The following CNST variants were observed in gnomAD, a reference collection of about 807,000 sequenced individuals.
CNST encodes consortin, connexin sorting protein, also known as consortin.
CNST carries 39 observed loss-of-function variants against 72.4 expected under a neutral mutation model. The observed-to-expected ratio is 0.54, with a 90% CI of 0.42 to 0.70. The LOEUF is 0.70. CNST is among the 30% of genes least tolerant of loss of function. CNST has a pLI of 0.00. For synonymous variants in CNST, 332 were observed against 320.1 expected, an observed-to-expected ratio of 1.04 and a Z score of -0.40; for missense variants, 871 against 868.5, an observed-to-expected ratio of 1.00 and a Z score of -0.04.
In CNST at chr1:246,576,435, C is replaced by T. The variant is rs151163545; in HGVS notation, c.-52+9772C>T. 4.6e-3 allele frequency among the ~76,000 whole-genome samples: 657 copies of T among 142,980 alleles called. 10 individuals carry two copies. Among genetic ancestry groups the T allele is most frequent in the African/African-American group, 0.016 (629 of 38,620 alleles). The allele number at this position is 142,980 out of a possible 152,430, so 93.8% of individuals were successfully genotyped here. A position where few individuals can be genotyped will look rare whatever the true frequency, so the allele number is the denominator to read the frequency against. On this transcript the variant is annotated intron_variant, in intron 1 of 10. Coordinates refer to ENST00000366513, the MANE Select transcript of CNST (RefSeq NM_152609.3). ...TTGATTTTTTTTGCATGTCATAATTCGTAAATTTGTTTTGGTTTAATTGTG... is the reference window on the plus strand; with the variant it reads ...TTGATTTTTTTTGCATGTCATAATTTGTAAATTTGTTTTGGTTTAATTGTG...
At chr1:246,658,472 A>AT (rs35403416) in intron 9 of CNST, among the ~76,000 whole-genome samples, 10,000 of 150,162 alleles carry the variant, frequency 0.067, 737 homozygotes, top group African/African-American at 0.18. Context: ...TGGCTTGTTG[A>AT]TTTTTTTTTT....
chr1:246,647,191 G>T lies in CNST; in HGVS notation c.990G>T (p.Val330=). ...TESSKESQHT[V]EPLGSSPCCH... ...CAAGTAAAGAAAGCCAACATACAGT[G>T]GAGCCCCTGGGGAGCAGTCCCTGCT... The change falls in exon 9 of 11, where the codon GTG becomes GTT. Residue 330 remains valine (V), a synonymous_variant. Coordinates refer to ENST00000366513, the MANE Select transcript of CNST (RefSeq NM_152609.3). 6.2e-7 allele frequency: 1 copy of T among 1,614,104 alleles called. No individual in the cohort carries two copies.
intron 10 of CNST, among the ~76,000 whole-genome samples, chr1:246,664,604 T>C (rs950998944): frequency 6.6e-6 from 1 of 152,026 alleles, no homozygotes; most frequent in Non-Finnish European, 1.5e-5. Flanking sequence ...TTTTTTATAT[T>C]TTTAGTAGAG....
chr1:246,612,565 T>A (rs1663390930), intron 2 of CNST, among the ~76,000 whole-genome samples: 1 of 152,104 alleles, frequency 6.6e-6, no homozygotes, highest in Non-Finnish European at 1.5e-5. Flanking sequence ...AAATTTTGTG[T>A]TATGTTTTTT....
chr1:246,645,773 A>C (rs1196166510), intron 8 of CNST, among the ~76,000 whole-genome samples: 1 of 152,200 alleles, frequency 6.6e-6, no homozygotes, highest in Non-Finnish European at 1.5e-5. Context: ...AAGTGTACCA[A>C]TAAAGCGAGG....
At chr1:246,616,553 TTTTTTTC>T (rs1200398754) in intron 2 of CNST, among the ~76,000 whole-genome samples, 1 of 151,712 alleles carries the variant, frequency 6.6e-6, no homozygotes, top group Non-Finnish European at 1.5e-5. Flanking sequence ...ATGAGACTTA[TTTTTTTC>T]TTTTTTCTTT....
chr1:246,640,709 T>C (rs1274986299), intron 6 of CNST, among the ~76,000 whole-genome samples: 6 of 152,202 alleles, frequency 3.9e-5, no homozygotes, highest in Non-Finnish European at 8.8e-5. Flanking sequence ...GTAATTGTTG[T>C]GTAGCTCATA....
chr1:246,623,660 G>T (rs943651232), intron 3 of CNST, among the ~76,000 whole-genome samples: 2 of 152,036 alleles, frequency 1.3e-5, no homozygotes, highest in Non-Finnish European at 2.9e-5. Flanking sequence ...TACTCGAGAG[G>T]CTGAGGCAGA....
chr1:246,666,775 ATTATG>A lies in CNST; in HGVS notation c.*873_*877del, dbSNP rs1270807131. The A allele has an allele frequency of 6.6e-6, 1 of 152,222 alleles. No homozygotes were observed. The highest frequency in any genetic ancestry group is 2.4e-5 in the African/African-American group (1 of 41,454). 9.4% of individuals were successfully genotyped at this position (152,222 alleles called of 1,614,324 possible). ...CTCAGTTTGGCAAACGCTTACACCT[ATTATG>A]TTCTGAGATTCTGAGAACCAGAATG... On this transcript the variant is annotated 3_prime_UTR_variant, in exon 11 of 11. Coordinates refer to ENST00000366513, the MANE Select transcript of CNST (RefSeq NM_152609.3).
At position 246,609,362 on chromosome 1, in the gene CNST, G is replaced by A. The variant is rs531604209; in HGVS notation, c.380-12067G>A. ...AGGCTGAGGCAGGCGGATCACCTGA[G>A]GCCATGAGTTTGAGACCAGCCTGGC... On this transcript the variant is annotated intron_variant, in intron 2 of 10. Coordinates refer to ENST00000366513, the MANE Select transcript of CNST (RefSeq NM_152609.3). Among the ~76,000 whole-genome samples, 44 of 152,286 alleles carry A rather than the reference G, an allele frequency of 2.9e-4. 2 individuals are homozygous for A. The East Asian group carries it at 8.3e-3, about 29-fold the overall frequency.
At chr1:246,572,532 T>TTAAA (rs10680008) in intron 1 of CNST, among the ~76,000 whole-genome samples, 149,109 of 152,110 alleles carry the variant, frequency 0.98, 73,148 homozygotes, top group East Asian at 1. Context: ...GGTTTGTTAT[T>TTAAA]TAGAGATGAG....
At chr1:246,585,664 TATACACACACACACACACACAC>T (rs1489197588) in intron 1 of CNST, among the ~76,000 whole-genome samples, 81 of 39,628 alleles carry the variant, frequency 2.0e-3, no homozygotes, top group East Asian at 1.7e-3. Flanking sequence ...AAAAAAAAAA[TATACACACACACACACACACAC>T]ACACACACAC....
chr1:246,609,925 C>T (rs534286874), intron 2 of CNST, among the ~76,000 whole-genome samples: 21 of 152,246 alleles, frequency 1.4e-4, no homozygotes, highest in African/African-American at 4.1e-4. Context: ...TAATGTTGTG[C>T]AACCATCATT....
intron 9 of CNST, among the ~76,000 whole-genome samples, chr1:246,657,337 C>T (rs1279936818): frequency 6.6e-6 from 1 of 152,004 alleles, no homozygotes; most frequent in African/African-American, 2.4e-5. Flanking sequence ...AATCAGAAGA[C>T]AGTTACAACA....
chr1:246,605,978 C>G (rs28625585), intron 2 of CNST: 2 of 151,704 alleles, frequency 1.3e-5, no homozygotes, highest in East Asian at 3.9e-4. Context: ...CTTTCGGCCC[C>G]GGGGAGAATC....
At position 246,621,703 on chromosome 1, in the gene CNST, A is replaced by G. The variant is rs1017044724; in HGVS notation, c.585+69A>G. 42 of 1,365,602 alleles carry G rather than the reference A, an allele frequency of 3.1e-5. No homozygotes were observed. The South Asian group carries it at 4.7e-4, about 15-fold the overall frequency. The allele number at this position is 1,365,602 out of a possible 1,614,324, so 84.6% of individuals were successfully genotyped here. A position where few individuals can be genotyped will look rare whatever the true frequency, so the allele number is the denominator to read the frequency against. ...CTAGCAGTGTTTGGAATGATCTAAA[A>G]TGCTGTCTTGGCTGGGCGCAGTGGC... is the stretch of plus-strand genomic sequence containing the variant. On this transcript the variant is annotated intron_variant, in intron 3 of 10. Coordinates refer to ENST00000366513, the MANE Select transcript of CNST (RefSeq NM_152609.3).
chr1:246,628,489 T>C (rs1032008722), intron 3 of CNST, among the ~76,000 whole-genome samples: 3 of 152,244 alleles, frequency 2.0e-5, no homozygotes, highest in Non-Finnish European at 4.4e-5. Context: ...TACTTGTATT[T>C]TGAGCTCGTG....
chr1:246,648,938 C>T (rs1261122581), intron 9 of CNST, among the ~76,000 whole-genome samples: 2 of 152,132 alleles, frequency 1.3e-5, no homozygotes, highest in African/African-American at 2.4e-5. Flanking sequence ...TATGTGAAAA[C>T]AGAAGACTGA....
At chr1:246,607,958 G>C (rs938158742) in intron 2 of CNST, 11 of 152,276 alleles carry the variant, frequency 7.2e-5, no homozygotes, top group African/African-American at 2.6e-4. Flanking sequence ...TCACCCGCCT[G>C]TAGTCCCAGC....
Sources: gnomAD v4.1 joint callset for allele counts (sites outside exome capture counted in the v4.1 genomes callset) on GRCh38, gnomAD v4.1.1 for gene constraint, MANE v1.5 for transcripts, NCBI Gene and HGNC (gene_info 2026-07-23, HGNC 2026-07-21) for gene names.